SEMA3A: variants seen among roughly 807,000 people sequenced by gnomAD.
SEMA3A encodes the protein semaphorin 3A.
A neutral mutation model predicts 97.9 loss-of-function variants in SEMA3A; 29 were observed. The observed-to-expected ratio is 0.30, with a 90% CI of 0.22 to 0.40. The LOEUF is 0.40. Among genes scored for constraint, SEMA3A ranks in the 10% least tolerant of loss-of-function variants. SEMA3A has a pLI of 1.00. For synonymous variants in SEMA3A, 321 were observed against 323.7 expected (o/e 0.99, Z 0.09); for missense variants, 763 against 951.3 (o/e 0.80, Z 2.60).
intron 1 of SEMA3A, among the ~76,000 whole-genome samples, chr7:84,468,450 T>C (rs1806061651): frequency 6.6e-6 from 1 of 152,190 alleles, no homozygotes; most frequent in Admixed American, 6.5e-5. Context: ...AAAAGCACTT[T>C]GTGAGGTTTT....
intron 6 of SEMA3A, among the ~76,000 whole-genome samples, chr7:84,038,118 G>A (rs1792008024): frequency 6.6e-6 from 1 of 152,090 alleles, no homozygotes; most frequent in African/African-American, 2.4e-5. Context: ...TTAGAAAAAT[G>A]CTTTTTCTTT....
chr7:84,094,094 C>T (rs1259914546), intron 4 of SEMA3A, among the ~76,000 whole-genome samples: 1 of 151,978 alleles, frequency 6.6e-6, no homozygotes, highest in East Asian at 1.9e-4. Context: ...GGAAGTCTGA[C>T]TGGATAGGGT....
At chr7:84,437,302 A>G (rs1417336445) in intron 1 of SEMA3A, among the ~76,000 whole-genome samples, 3 of 152,038 alleles carry the variant, frequency 2.0e-5, no homozygotes, top group African/African-American at 7.2e-5. Context: ...GTGTCATGTG[A>G]GCTAGTAATT....
At chr7:84,290,730 A>G (rs186643529) in intron 3 of SEMA3A, among the ~76,000 whole-genome samples, 1 of 152,096 alleles carries the variant, frequency 6.6e-6, no homozygotes, top group Non-Finnish European at 1.5e-5. Context: ...CTGTTGTTTC[A>G]TGTACTAAAC....
At chr7:84,103,527 T>C (rs905869564) in intron 4 of SEMA3A, among the ~76,000 whole-genome samples, 28 of 152,194 alleles carry the variant, frequency 1.8e-4, no homozygotes, top group Admixed American at 4.6e-4. Flanking sequence ...GATAACTTAC[T>C]GATGTCCATT....
At chr7:84,476,508 C>G (rs985541219) in intron 1 of SEMA3A, among the ~76,000 whole-genome samples, 9 of 151,930 alleles carry the variant, frequency 5.9e-5, no homozygotes, top group Admixed American at 3.9e-4. Flanking sequence ...ACTGACAGTG[C>G]TTAATTGAAA....
At chr7:84,446,090 A>G (rs192796184) in intron 1 of SEMA3A, among the ~76,000 whole-genome samples, 35 of 152,294 alleles carry the variant, frequency 2.3e-4, no homozygotes, top group Non-Finnish European at 4.1e-4. Flanking sequence ...ATGCTGATAA[A>G]TTGAGTAACT....
chr7:84,393,606 T>C (rs1803648087), intron 1 of SEMA3A, among the ~76,000 whole-genome samples: 1 of 152,158 alleles, frequency 6.6e-6, no homozygotes, highest in African/African-American at 2.4e-5. Context: ...TTCTCCATGA[T>C]TGTATTAGTT....
intron 2 of SEMA3A, among the ~76,000 whole-genome samples, chr7:84,344,949 A>G (rs963719103): frequency 1.3e-5 from 2 of 152,324 alleles, no homozygotes; most frequent in African/African-American, 4.8e-5. Flanking sequence ...AAAACACTTT[A>G]TCCAGAATAC....
At chr7:84,265,500 T>A (rs1276098895) in intron 3 of SEMA3A, among the ~76,000 whole-genome samples, 1 of 147,364 alleles carries the variant, frequency 6.8e-6, no homozygotes, top group Non-Finnish European at 1.5e-5. Context: ...ATATTATATA[T>A]CATATATATA....
chr7:84,484,676 C>T (rs1806530523), intron 1 of SEMA3A, among the ~76,000 whole-genome samples: 1 of 152,128 alleles, frequency 6.6e-6, no homozygotes, highest in Non-Finnish European at 1.5e-5. Flanking sequence ...CTGGTGACAT[C>T]ATCTTTAGCA....
At chr7:84,442,048 A>T (rs1190919646) in intron 1 of SEMA3A, among the ~76,000 whole-genome samples, 1 of 152,210 alleles carries the variant, frequency 6.6e-6, no homozygotes, top group African/African-American at 2.4e-5. Flanking sequence ...ACTCAAAGAC[A>T]TATGAAGAAA....
chr7:83,985,943 T>C (rs1443116960), intron 12 of SEMA3A, among the ~76,000 whole-genome samples: 9 of 152,206 alleles, frequency 5.9e-5, no homozygotes, highest in Admixed American at 4.6e-4. Flanking sequence ...GCTAAAGCTA[T>C]GACTGGCGAA....
intron 5 of SEMA3A, 29 bp downstream of exon 5, chr7:84,060,436 C>A: frequency 7.3e-7 from 1 of 1,376,332 alleles, no homozygotes; most frequent in Non-Finnish European, 1.0e-6. Flanking sequence ...ATAGAAAACT[C>A]ACTATTTAAT....
chr7:84,004,129 G>A lies in SEMA3A; in HGVS notation c.1360+1210C>T, dbSNP rs146174700. On this transcript the variant is annotated intron_variant, in intron 11 of 16. Coordinates refer to ENST00000265362, the MANE Select transcript of SEMA3A (RefSeq NM_006080.3). ...AAGGTTTCAGTGGAGCACTCACTCT[G>A]TTTCCCATTGATTTATGTCAGTTAA... is the stretch of plus-strand genomic sequence containing the variant. Among the ~76,000 whole-genome samples, 556 of 152,124 alleles carry A rather than the reference G, an allele frequency of 3.7e-3. 3 individuals carry two copies. Among genetic ancestry groups the A allele is most frequent in the African/African-American group, 0.013 (531 of 41,536 alleles).
intron 5 of SEMA3A, among the ~76,000 whole-genome samples, chr7:84,059,821 A>T (rs1463272870): frequency 1.3e-5 from 2 of 152,068 alleles, no homozygotes; most frequent in Non-Finnish European, 2.9e-5. Flanking sequence ...AAAATTTAAA[A>T]ATTGCTTCAT....
At chr7:84,008,374 C>T (rs940476412) in intron 9 of SEMA3A, among the ~76,000 whole-genome samples, 3 of 151,410 alleles carry the variant, frequency 2.0e-5, no homozygotes, top group African/African-American at 7.3e-5. Flanking sequence ...GGCTGTAGTC[C>T]CAGCTACTCG....
intron 1 of SEMA3A, among the ~76,000 whole-genome samples, chr7:84,452,054 T>C (rs1486899985): frequency 6.6e-6 from 1 of 152,186 alleles, no homozygotes; most frequent in Admixed American, 6.5e-5. Flanking sequence ...AAAATTATAT[T>C]CCTCTCTTTG....
intron 1 of SEMA3A, among the ~76,000 whole-genome samples, chr7:84,405,864 C>G (rs912410763): frequency 2.0e-5 from 3 of 152,084 alleles, no homozygotes; most frequent in Admixed American, 6.5e-5. Context: ...AACAAAGACA[C>G]AACATACCAG....
Sources: gnomAD v4.1 joint callset for allele counts (sites outside exome capture counted in the v4.1 genomes callset) on GRCh38, gnomAD v4.1.1 for gene constraint, MANE v1.5 for transcripts, NCBI Gene and HGNC (gene_info 2026-07-23, HGNC 2026-07-21) for gene names.